Variants in ZNF91 observed in about 807,000 individuals in gnomAD.
ZNF91 encodes the protein zinc finger protein 91 (HPF7, HTF10).
ZNF91 carries 7 observed loss-of-function variants against 12.6 expected under a neutral mutation model. The ratio of observed to expected loss-of-function variants is 0.55; its 90% CI spans 0.31 to 1.04. The LOEUF (loss-of-function observed/expected upper bound fraction) is 1.04. ZNF91 is among the 50% of genes least tolerant of loss of function. The pLI is 0.05. For synonymous variants in ZNF91, 453 were observed against 462.6 expected (o/e 0.98, Z 0.27); for missense variants, 1,217 against 1,385.4 (o/e 0.88, Z 1.93).
At chr19:23,357,045 G>A (rs992696315), downstream of ZNF91, among the ~76,000 whole-genome samples, 2 of 152,262 alleles carry the variant, frequency 1.3e-5, no homozygotes, top group Admixed American at 6.5e-5. Flanking sequence ...TGACCAAAAC[G>A]GTGAAACCCC....
chr19:23,375,102 G>T (rs1446693562), intron 1 of ZNF91, among the ~76,000 whole-genome samples: 3 of 151,886 alleles, frequency 2.0e-5, no homozygotes, highest in Admixed American at 1.3e-4. Flanking sequence ...AGGTGAAAAA[G>T]GCATAGTTGT....
At chr19:23,374,517 G>A (rs8105269) in intron 2 of ZNF91, 121 bp downstream of exon 2, 17 of 1,035,254 alleles carry the variant, frequency 1.6e-5, no homozygotes, top group Admixed American at 9.5e-5. Flanking sequence ...CCAAGATCTC[G>A]CCACTGCACT....
Position 23,361,168 on chromosome 19 carries a change from C to T in ZNF91, c.1811G>A (p.Cys604Tyr), listed in dbSNP as rs758980590. 6.2e-7 allele frequency: 1 copy of T among 1,613,366 alleles called. No homozygotes were observed. The highest frequency in any genetic ancestry group is 1.3e-5 in the African/African-American group (1 of 74,760). ...IIHTGEKSYK[C>Y]EECGKAFLWS... is the part of the protein sequence containing the mutation. ...TAGAAATGCTTTGCCACATTCTTCA[C>T]ACTTGTAAGACTTCTCTCCAGTATG... is the stretch of plus-strand genomic sequence containing the variant. Residue 604 changes from cysteine (C) to tyrosine (Y), a missense_variant, in exon 4 of 4, where the codon TGT becomes TAT. Physicochemically the swap from Cys to Tyr is radical, Grantham distance 194. Coordinates refer to ENST00000300619, the MANE Select transcript of ZNF91 (RefSeq NM_003430.4).
At chr19:23,345,123 G>A (rs1968196015) in intron 3 of ZNF91, among the ~76,000 whole-genome samples, 1 of 152,210 alleles carries the variant, frequency 6.6e-6, no homozygotes. Context: ...TTAGGGGGAT[G>A]CCTCTAAGCC....
chr19:23,387,712 G>A (rs1223588864), intron 1 of ZNF91, among the ~76,000 whole-genome samples: 3 of 152,084 alleles, frequency 2.0e-5, no homozygotes, highest in African/African-American at 4.8e-5. Context: ...GGCCAAGGTG[G>A]GTGGATCACC....
chr19:23,342,799 A>T (rs1160607230), intron 3 of ZNF91, among the ~76,000 whole-genome samples: 2 of 151,984 alleles, frequency 1.3e-5, no homozygotes, highest in African/African-American at 4.8e-5. Context: ...GTTCTCTAAC[A>T]TTGCATCTCT....
intron 1 of ZNF91, chr19:23,327,662 G>T (rs1967861907): frequency 6.6e-6 from 1 of 152,144 alleles, no homozygotes; most frequent in Non-Finnish European, 1.5e-5. Flanking sequence ...TTCTGAGGAG[G>T]CTTGTGTATT....
chr19:23,385,248 C>A, intron 1 of ZNF91: 1 of 547,464 alleles, frequency 1.8e-6, no homozygotes, highest in Non-Finnish European at 3.3e-6. Context: ...ATATTGGGCC[C>A]TCACTTTTGG....
At chr19:23,322,740 C>G (rs1967727394) in intron 1 of ZNF91, among the ~76,000 whole-genome samples, 1 of 148,622 alleles carries the variant, frequency 6.7e-6, no homozygotes, top group Admixed American at 6.7e-5. Flanking sequence ...TCTTCTTCCT[C>G]CCCATTCATG....
At chr19:23,327,037 C>T (rs1967849906) in intron 1 of ZNF91, 1 of 152,122 alleles carries the variant, frequency 6.6e-6, no homozygotes, top group African/African-American at 2.4e-5. Flanking sequence ...AATGTGTGAA[C>T]CCGTTTTCTC....
upstream of ZNF91, among the ~76,000 whole-genome samples, chr19:23,315,174 T>C (rs1049775745): frequency 6.6e-6 from 1 of 152,102 alleles, no homozygotes; most frequent in African/African-American, 2.4e-5. Flanking sequence ...CAAGGAAAAA[T>C]TGTAATGTTT....
rs1969811991 is a variant in ZNF91, at chr19:23,384,489, C to T, written c.31-9725G>A. The stretch of plus-strand genomic sequence containing the variant: ...ATATACCATCTGTGAAAAAAGTTGC[C>T]CTTTCTTCCGCTTGCAAAACAGACA... On this transcript the variant is annotated intron_variant, in intron 1 of 3. Coordinates refer to ENST00000300619, the MANE Select transcript of ZNF91 (RefSeq NM_003430.4). 1.9e-5 allele frequency: 14 copies of T among 746,496 alleles called. No individual in the cohort carries two copies. In the South Asian group the frequency reaches 4.5e-4, roughly 24 times the overall value. 46.2% of individuals were successfully genotyped at this position (746,496 alleles called of 1,614,324 possible). A position where few individuals can be genotyped will look rare whatever the true frequency, so the allele number is the denominator to read the frequency against.
intron 3 of ZNF91, among the ~76,000 whole-genome samples, chr19:23,342,559 T>C (rs759655611): frequency 1.3e-5 from 2 of 152,138 alleles, no homozygotes; most frequent in African/African-American, 2.4e-5. Context: ...GAGTGAAGGA[T>C]ACAGATTAGC....
Position 23,395,457 on chromosome 19 carries a change from G to A in ZNF91, c.-103C>T. On this transcript the variant is annotated 5_prime_UTR_variant, in exon 1 of 4. Coordinates refer to ENST00000300619, the MANE Select transcript of ZNF91 (RefSeq NM_003430.4). ...GTGAAGTCGAGACCTGGAAACTCCG[G>A]CGGCAGCGAGAGACAAAGGCCCAGC... 2 of 1,426,350 alleles carry A rather than the reference G, an allele frequency of 1.4e-6. No homozygotes were observed. Among genetic ancestry groups the A allele is most frequent in the Admixed American group, 2.1e-5 (1 of 47,160 alleles). The allele number at this position is 1,426,350 out of a possible 1,614,324, so 88.4% of individuals were successfully genotyped here.
At chr19:23,384,714 C>T in intron 1 of ZNF91, 2 of 606,050 alleles carry the variant, frequency 3.3e-6, no homozygotes, top group South Asian at 1.9e-5. Flanking sequence ...TTCAAGGGAA[C>T]AATGAGCTTT....
rs140096765 is a variant in ZNF91 at position 23,323,273 on chromosome 19, TTTC to T, written n.117-14179_117-14177del. Among the ~76,000 whole-genome samples the T allele has an allele frequency of 9.8e-3, 1,445 of 147,080 alleles. 122 individuals carry two copies. In the East Asian group the frequency reaches 0.22, roughly 23 times the overall value. The stretch of plus-strand genomic sequence containing the variant: ...TCCTCTCCTCCTGTTCCTTTTCTTC[TTTC>T]TTCTCTCCTCCTCCCCTCCTTCTCT... On this transcript the variant is annotated intron_variant and non_coding_transcript_variant, in intron 1 of 1. Coordinates refer to the ZNF91 transcript ENST00000596528.
intron 3 of ZNF91, among the ~76,000 whole-genome samples, chr19:23,344,594 C>T (rs1325986207): frequency 6.6e-6 from 1 of 152,030 alleles, no homozygotes; most frequent in Non-Finnish European, 1.5e-5. Flanking sequence ...TAATTCCATC[C>T]TTTTTCAGTG....
At chr19:23,353,673 G>A (rs925958339), downstream of ZNF91, among the ~76,000 whole-genome samples, 1 of 152,076 alleles carries the variant, frequency 6.6e-6, no homozygotes, top group African/African-American at 2.4e-5. Context: ...GTGCTTATTT[G>A]AAAAGATAAA....
At chr19:23,371,389 C>T (rs542634851) in intron 3 of ZNF91, among the ~76,000 whole-genome samples, 1 of 151,950 alleles carries the variant, frequency 6.6e-6, no homozygotes, top group Admixed American at 6.6e-5. Context: ...AGAATATATA[C>T]AAGATAAGCT....
Sources: allele counts gnomAD v4.1 joint callset (sites outside exome capture counted in the v4.1 genomes callset), GRCh38; gene constraint gnomAD v4.1.1; transcripts MANE v1.5; gene names NCBI Gene and HGNC (gene_info 2026-07-23, HGNC 2026-07-21).